B3GALT1: variants seen among roughly 807,000 people sequenced by gnomAD.
B3GALT1 encodes the protein beta-1,3-galactosyltransferase 1, also known as UDP-Gal:betaGlcNAc beta 1,3-galactosyltransferase, polypeptide 1.
B3GALT1 carries 10 observed loss-of-function variants against 23.2 expected under a neutral mutation model. The observed-to-expected ratio is 0.43, with a 90% CI of 0.27 to 0.73. The LOEUF (loss-of-function observed/expected upper bound fraction) is 0.73, where lower values mean the gene tolerates loss of function less well. Ranked by LOEUF, B3GALT1 falls within the 30% of genes least tolerant of loss-of-function variation. B3GALT1 has a pLI of 0.21. For missense variants in B3GALT1, 299 were observed against 405.4 expected, an observed-to-expected ratio of 0.74 and a Z score of 2.25; for synonymous variants, 156 against 141.5, an observed-to-expected ratio of 1.10 and a Z score of -0.73.
rs371790748 is a variant in B3GALT1 at position 167,582,833 on chromosome 2, C to A, written c.-409-64076C>A. ...ACGGTTTAACCTCTCACATCTAAAT[C>A]AAGGCCCCGCACTGATCCTGGCCAG... On this transcript the variant is annotated intron_variant, in intron 2 of 4. Transcript: ENST00000392690. 1.5e-4 allele frequency among the ~76,000 whole-genome samples: 23 copies of A among 152,282 alleles called. No individual in the cohort carries two copies. The East Asian group carries it at 4.4e-3, about 29-fold the overall frequency.
At chr2:167,851,854 G>A (rs1437068501) in intron 4 of B3GALT1, among the ~76,000 whole-genome samples, 1 of 152,170 alleles carries the variant, frequency 6.6e-6, no homozygotes, top group Non-Finnish European at 1.5e-5. Context: ...ACATGTGCCT[G>A]GGGAGACACG....
chr2:167,561,783 A>T (rs1684000106), intron 2 of B3GALT1, among the ~76,000 whole-genome samples: 1 of 152,224 alleles, frequency 6.6e-6, no homozygotes, highest in African/African-American at 2.4e-5. Flanking sequence ...GAATAGACCA[A>T]TAACAGGATC....
chr2:167,528,087 G>A (rs1190355805), intron 2 of B3GALT1, among the ~76,000 whole-genome samples: 1 of 152,082 alleles, frequency 6.6e-6, no homozygotes, highest in African/African-American at 2.4e-5. Context: ...TGCAGCCCTC[G>A]TGGAGCATTA....
chr2:167,521,985 T>TATATATATATATATATATATACACAC lies in B3GALT1; in HGVS notation c.-410+31733_-410+31734insCATATATATATATATATATATACACA, dbSNP rs1700195088. 9.7e-5 allele frequency among the ~76,000 whole-genome samples: 10 copies of TATATATATATATATATATATACACAC among 103,356 alleles called. No individual in the cohort carries two copies. In the South Asian group the frequency reaches 1.5e-3, roughly 16 times the overall value. The allele number at this position is 103,356 out of a possible 152,430, so 67.8% of individuals were successfully genotyped here. The stretch of plus-strand genomic sequence containing the variant: ...CAACATATATGTGTGTGTGTGTGTG[T>TATATATATATATATATATATACACAC]ATATATATATATATATATATACACA... On this transcript the variant is annotated intron_variant, in intron 2 of 4. Coordinates refer to ENST00000392690, the MANE Select transcript of B3GALT1 (RefSeq NM_020981.4).
intron 1 of B3GALT1, among the ~76,000 whole-genome samples, chr2:167,387,968 A>G (rs954457253): frequency 2.6e-5 from 4 of 152,218 alleles, no homozygotes; most frequent in African/African-American, 4.8e-5. Flanking sequence ...TACATCACTA[A>G]TGGCATTTCC....
chr2:167,305,176 C>G (rs1355205262), intron 1 of B3GALT1, among the ~76,000 whole-genome samples: 1 of 152,156 alleles, frequency 6.6e-6, no homozygotes, highest in Non-Finnish European at 1.5e-5. Flanking sequence ...CAGTATCTTT[C>G]CAGATACTGT....
chr2:167,563,297 G>A (rs1450732608), intron 2 of B3GALT1, among the ~76,000 whole-genome samples: 1 of 124,816 alleles, frequency 8.0e-6, no homozygotes, highest in Non-Finnish European at 1.6e-5. Context: ...CTTCCCAGTA[G>A]GGGCGGCCGG....
chr2:167,802,246 T>A (rs887730423), intron 3 of B3GALT1, among the ~76,000 whole-genome samples: 1 of 152,200 alleles, frequency 6.6e-6, no homozygotes, highest in Non-Finnish European at 1.5e-5. Flanking sequence ...TGAACATGAT[T>A]GTCAATTTGG....
chr2:167,828,134 C>T (rs921024892), intron 4 of B3GALT1, among the ~76,000 whole-genome samples: 1 of 152,166 alleles, frequency 6.6e-6, no homozygotes, highest in Non-Finnish European at 1.5e-5. Context: ...TTCCCTGGCA[C>T]CTATTCCTGG....
At chr2:167,699,238 T>C (rs547117549) in intron 3 of B3GALT1, among the ~76,000 whole-genome samples, 7 of 152,220 alleles carry the variant, frequency 4.6e-5, no homozygotes, top group African/African-American at 1.7e-4. Flanking sequence ...TTTTGTTTTT[T>C]TCTCACAGTT....
chr2:167,514,310 C>G (rs1321587008), intron 2 of B3GALT1, among the ~76,000 whole-genome samples: 1 of 152,128 alleles, frequency 6.6e-6, no homozygotes, highest in African/African-American at 2.4e-5. Flanking sequence ...TCGATTATCC[C>G]ATTTTGTAAA....
At chr2:167,554,714 A>G (rs190531121) in intron 2 of B3GALT1, among the ~76,000 whole-genome samples, 8 of 152,258 alleles carry the variant, frequency 5.3e-5, no homozygotes, top group Admixed American at 5.2e-4. Flanking sequence ...TTTTTTGCCT[A>G]TTTGCCTGAA....
intron 1 of B3GALT1, among the ~76,000 whole-genome samples, chr2:167,308,041 A>G (rs889411949): frequency 3.3e-5 from 5 of 152,092 alleles, no homozygotes; most frequent in African/African-American, 1.2e-4. Flanking sequence ...TGTGGAGAGT[A>G]ATATTAGTAA....
At chr2:167,447,987 A>T (rs1453555162) in intron 1 of B3GALT1, among the ~76,000 whole-genome samples, 1 of 152,098 alleles carries the variant, frequency 6.6e-6, no homozygotes, top group Non-Finnish European at 1.5e-5. Context: ...GCCATCTTGG[A>T]ACCTCCTGTA....
chr2:167,508,347 C>G (rs1373720603), intron 2 of B3GALT1, among the ~76,000 whole-genome samples: 1 of 151,210 alleles, frequency 6.6e-6, no homozygotes, highest in Non-Finnish European at 1.5e-5. Flanking sequence ...CAAGCTCTGC[C>G]TCCCGGATTC....
In B3GALT1 at chr2:167,676,516, TACACACACACACACAC is replaced by T. The variant is rs34764364; in HGVS notation, c.-352+29574_-352+29589del. ...ACACATGCACACACGTGTATGTTTATACACACACACACACACACACACACACACACACACACACATA... is the reference window on the plus strand; with the variant it reads ...ACACATGCACACACGTGTATGTTTATACACACACACACACACACACACATA... On this transcript the variant is annotated intron_variant, in intron 3 of 4. Coordinates refer to ENST00000392690, the MANE Select transcript of B3GALT1 (RefSeq NM_020981.4). Among the ~76,000 whole-genome samples, 12 of 145,186 alleles carry T rather than the reference TACACACACACACACAC, an allele frequency of 8.3e-5. No individual in the cohort carries two copies. In the Middle Eastern group the frequency reaches 0.014, roughly 170 times the overall value.
At chr2:167,384,072 G>A (rs73021721) in intron 1 of B3GALT1, among the ~76,000 whole-genome samples, 2,661 of 152,266 alleles carry the variant, frequency 0.017, 83 homozygotes, top group African/African-American at 0.061. Context: ...AGTAACCAGC[G>A]ATTTGAACTA....
chr2:167,865,584 G>A (rs568256693), intron 4 of B3GALT1, among the ~76,000 whole-genome samples: 1 of 152,306 alleles, frequency 6.6e-6, no homozygotes, highest in African/African-American at 2.4e-5. Context: ...AAGATCAGGA[G>A]ATCGAGACCC....
intron 1 of B3GALT1, among the ~76,000 whole-genome samples, chr2:167,302,620 ATTTT>A (rs939940940): frequency 8.5e-5 from 13 of 152,208 alleles, no homozygotes; most frequent in African/African-American, 1.4e-4. Context: ...ATTAAAATAA[ATTTT>A]TTTATTGTCA....
Sources: allele counts gnomAD v4.1 joint callset (sites outside exome capture counted in the v4.1 genomes callset), GRCh38; gene constraint gnomAD v4.1.1; transcripts MANE v1.5; gene names NCBI Gene and HGNC (gene_info 2026-07-23, HGNC 2026-07-21).